Variants in PBX1 observed in about 807,000 individuals in gnomAD.
PBX1 encodes PBX homeobox 1.
Under a neutral mutation model 53.4 loss-of-function variants are expected in PBX1, and 6 were observed. The ratio of observed to expected loss-of-function variants is 0.11; its 90% CI spans 0.06 to 0.22. The LOEUF is 0.22. Ranked by LOEUF, PBX1 falls within the 10% of genes least tolerant of loss-of-function variation. The pLI is 1.00. For missense variants in PBX1, 251 were observed against 551.4 expected (o/e 0.46, Z 5.46); for synonymous variants, 204 against 212.3 (o/e 0.96, Z 0.34).
chr1:164,681,884 G>A (rs776454266), intron 2 of PBX1, among the ~76,000 whole-genome samples: 2 of 152,002 alleles, frequency 1.3e-5, no homozygotes, highest in Admixed American at 6.6e-5. Context: ...ATTTGGTCCC[G>A]GGAACTCAAA....
At chr1:164,561,254 G>A (rs1036722107) in intron 1 of PBX1, among the ~76,000 whole-genome samples, 6 of 152,122 alleles carry the variant, frequency 3.9e-5, no homozygotes, top group Non-Finnish European at 5.9e-5. Context: ...TTCTGTCTAC[G>A]TGAAATAAGA....
chr1:164,623,561 A>G (rs938799695), intron 2 of PBX1, among the ~76,000 whole-genome samples: 1 of 152,212 alleles, frequency 6.6e-6, no homozygotes, highest in Non-Finnish European at 1.5e-5. Context: ...TCACTGCCAA[A>G]GTCGTGCTTA....
intron 2 of PBX1, among the ~76,000 whole-genome samples, chr1:164,663,244 G>T (rs368949214): frequency 0.017 from 2,208 of 129,542 alleles, 58 homozygotes; most frequent in African/African-American, 0.061. Flanking sequence ...CTTCCTTCCT[G>T]CCTTCCTGCC....
In PBX1 at chr1:164,580,203, A is replaced by G. The variant is rs1415360525; in HGVS notation, c.265+16892A>G. Among the ~76,000 whole-genome samples, 3 of 152,198 alleles carry G rather than the reference A, an allele frequency of 2.0e-5. No homozygotes were observed. In the East Asian group the frequency reaches 5.8e-4, roughly 29 times the overall value. ...GCTGGCTGCAAAACAAGTAAAGAGG[A>G]TAAGTTCAAAACTCGCCTTGAGCTT... On this transcript the variant is annotated intron_variant, in intron 2 of 8. Transcript: ENST00000420696.
intron 2 of PBX1, among the ~76,000 whole-genome samples, chr1:164,864,316 G>A (rs912682879): frequency 1.3e-5 from 2 of 152,078 alleles, no homozygotes; most frequent in African/African-American, 4.8e-5. Context: ...AATCTTTCTT[G>A]GAGAGTTGTT....
chr1:164,837,125 C>G (rs912924663), intron 8 of PBX1, among the ~76,000 whole-genome samples: 1 of 152,070 alleles, frequency 6.6e-6, no homozygotes, highest in Admixed American at 6.6e-5. Flanking sequence ...AAATTTACCC[C>G]ACGAGGGCAG....
intron 2 of PBX1, among the ~76,000 whole-genome samples, chr1:164,776,981 A>AGAGAGAGGGGG (rs1667701639): frequency 6.6e-5 from 1 of 15,042 alleles, no homozygotes; most frequent in Non-Finnish European, 1.2e-4. Flanking sequence ...GAGAGAGAGG[A>AGAGAGAGGGGG]GGTGTGGGGG....
At chr1:164,754,892 T>C (rs999202466) in intron 2 of PBX1, among the ~76,000 whole-genome samples, 1 of 152,220 alleles carries the variant, frequency 6.6e-6, no homozygotes, top group African/African-American at 2.4e-5. Context: ...TTTATCTTTG[T>C]AATCAATAAA....
At position 164,807,399 on chromosome 1, in the gene PBX1, C is replaced by A. The variant is rs17392181; in HGVS notation, c.702-143C>A. ...CAAATGCTTTTAGCGTTGGTTTTGG[C>A]ATCCAGCCCCTTTTGGTAAATCTGC... On this transcript the variant is annotated intron_variant, in intron 4 of 8. Coordinates refer to ENST00000420696, the MANE Select transcript of PBX1 (RefSeq NM_002585.4). 22 of 937,974 alleles carry A rather than the reference C, an allele frequency of 2.3e-5. No homozygotes were observed. In the African/African-American group the frequency reaches 2.8e-4, roughly 12 times the overall value. 58.1% of individuals were successfully genotyped at this position (937,974 alleles called of 1,614,324 possible).
At chr1:164,651,082 A>G (rs1473768607) in intron 2 of PBX1, among the ~76,000 whole-genome samples, 1 of 152,180 alleles carries the variant, frequency 6.6e-6, no homozygotes, top group African/African-American at 2.4e-5. Context: ...CCATCTCTGA[A>G]GGAGGGTGAT....
intron 2 of PBX1, among the ~76,000 whole-genome samples, chr1:164,870,287 T>C (rs1457910288): frequency 6.8e-5 from 2 of 29,394 alleles, no homozygotes; most frequent in South Asian, 1.4e-3. Flanking sequence ...CTTTCTTTCT[T>C]TCTTTCTTTC....
chr1:164,643,563 A>G (rs1659277240), intron 2 of PBX1, among the ~76,000 whole-genome samples: 1 of 152,206 alleles, frequency 6.6e-6, no homozygotes, highest in Non-Finnish European at 1.5e-5. Flanking sequence ...GTTATTTGTT[A>G]CCATGTCAGT....
At chr1:164,806,736 C>T (rs989666085) in intron 4 of PBX1, among the ~76,000 whole-genome samples, 1 of 152,142 alleles carries the variant, frequency 6.6e-6, no homozygotes, top group African/African-American at 2.4e-5. Context: ...AAATGAATAA[C>T]TTGAATTGAT....
At chr1:164,662,613 C>A (rs967273325) in intron 2 of PBX1, among the ~76,000 whole-genome samples, 1 of 152,068 alleles carries the variant, frequency 6.6e-6, no homozygotes, top group East Asian at 1.9e-4. Flanking sequence ...AATCTGTGAT[C>A]CCCTGTAGGA....
At chr1:164,660,025 G>A (rs1394251455) in intron 2 of PBX1, among the ~76,000 whole-genome samples, 1 of 152,154 alleles carries the variant, frequency 6.6e-6, no homozygotes, top group African/African-American at 2.4e-5. Context: ...CACTTCTGTA[G>A]TTTGCAACCA....
At chr1:164,630,326 A>C (rs1370421781) in intron 2 of PBX1, among the ~76,000 whole-genome samples, 1 of 152,154 alleles carries the variant, frequency 6.6e-6, no homozygotes, top group African/African-American at 2.4e-5. Flanking sequence ...TGGATGGGTA[A>C]GATGGGATTT....
At chr1:164,777,511 A>C (rs1037862641) in intron 2 of PBX1, among the ~76,000 whole-genome samples, 4 of 152,142 alleles carry the variant, frequency 2.6e-5, no homozygotes, top group African/African-American at 9.7e-5. Flanking sequence ...ATAAAGCTAA[A>C]CTCTGAGCAT....
intron 3 of PBX1, among the ~76,000 whole-genome samples, chr1:164,799,415 CG>C (rs1229194252): frequency 1.3e-5 from 2 of 152,172 alleles, no homozygotes; most frequent in East Asian, 1.9e-4. Context: ...GGCGTGAACC[CG>C]GGAGGCGGGG....
chr1:164,737,234 T>A (rs964400461), intron 2 of PBX1, among the ~76,000 whole-genome samples: 2 of 152,198 alleles, frequency 1.3e-5, no homozygotes, highest in Non-Finnish European at 2.9e-5. Context: ...TTATTTTCAG[T>A]TAGATTGGCA....
Sources: gnomAD v4.1 joint callset for allele counts (sites outside exome capture counted in the v4.1 genomes callset) on GRCh38, gnomAD v4.1.1 for gene constraint, MANE v1.5 for transcripts, NCBI Gene and HGNC (gene_info 2026-07-23, HGNC 2026-07-21) for gene names.